MUSK: variants seen among roughly 807,000 people sequenced by gnomAD.
MUSK encodes muscle associated receptor tyrosine kinase, also known as muscle, skeletal receptor tyrosine-protein kinase.
MUSK carries 55 observed loss-of-function variants against 88.7 expected under a neutral mutation model. The observed-to-expected ratio is 0.62, with a 90% confidence interval of 0.50 to 0.78. MUSK has a LOEUF of 0.78. MUSK is among the 30% of genes least tolerant of loss of function. The probability of loss-of-function intolerance (pLI) is 0.00; values close to 1 mark genes in which losing one functional copy is unlikely to be tolerated. For missense variants in MUSK, 1,015 were observed against 1,074.3 expected (o/e 0.94, Z 0.77); for synonymous variants, 387 against 391.9 (o/e 0.99, Z 0.15).
intron 8 of MUSK, among the ~76,000 whole-genome samples, chr9:110,765,366 A>T (rs772694034): frequency 6.6e-6 from 1 of 152,296 alleles, no homozygotes; most frequent in African/African-American, 2.4e-5. Context: ...CCAGTTTGAG[A>T]TATTTCTGGT....
At chr9:110,727,069 G>A (rs895313925) in intron 5 of MUSK, among the ~76,000 whole-genome samples, 2 of 152,026 alleles carry the variant, frequency 1.3e-5, no homozygotes, top group African/African-American at 2.4e-5. Context: ...TTTGACAGAC[G>A]ACCTCTAAAT....
intron 2 of MUSK, among the ~76,000 whole-genome samples, chr9:110,684,454 A>G (rs1435541594): frequency 6.6e-6 from 1 of 150,390 alleles, no homozygotes; most frequent in Non-Finnish European, 1.5e-5. Flanking sequence ...TCTTTTGGCT[A>G]TTCTGGGCCT....
intron 3 of MUSK, among the ~76,000 whole-genome samples, chr9:110,694,045 A>G (rs1438684336): frequency 6.6e-6 from 1 of 152,000 alleles, no homozygotes; most frequent in Non-Finnish European, 1.5e-5. Flanking sequence ...TATTTTTGCT[A>G]TAACACAGGG....
chr9:110,761,800 T>A (rs1262935092), intron 7 of MUSK: 9 of 311,424 alleles, frequency 2.9e-5, no homozygotes, highest in Admixed American at 6.5e-5. Context: ...GGTCTCGATC[T>A]CCTGACCTCA....
rs886043719 is a variant in MUSK at position 110,784,933 on chromosome 9, G to GACC, written c.1503_1504insACC (p.Met501_Ser502insThr). 6.8e-6 allele frequency: 11 copies of GACC among 1,613,714 alleles called. No homozygotes were observed. The highest frequency in any genetic ancestry group is 1.7e-4 in the Middle Eastern group (1 of 6,058). ...CCATGACTGTAATAATCTCCATCAT[G>GACC]TCCAGCTTTGCAATATTTGTGCTTC... On this transcript the variant is annotated inframe_insertion, in exon 12 of 15. Transcript: ENST00000374448.
At chr9:110,712,588 T>G (rs1333704284) in intron 5 of MUSK, among the ~76,000 whole-genome samples, 1 of 152,176 alleles carries the variant, frequency 6.6e-6, no homozygotes, top group Non-Finnish European at 1.5e-5. Context: ...TTTATGTTAG[T>G]GCTTTTTAAC....
At chr9:110,774,912 CTGAA>C (rs2077643526) in intron 9 of MUSK, among the ~76,000 whole-genome samples, 1 of 152,024 alleles carries the variant, frequency 6.6e-6, no homozygotes, top group African/African-American at 2.4e-5. Flanking sequence ...TTCCTCCTCT[CTGAA>C]TCCTTCAGAT....
intron 1 of MUSK, among the ~76,000 whole-genome samples, chr9:110,680,383 CTTTTTTT>C (rs11461650): frequency 7.1e-6 from 1 of 141,616 alleles, no homozygotes; most frequent in African/African-American, 2.6e-5. Context: ...TTCTTTTTTT[CTTTTTTT>C]TTTTTTCTTC....
chr9:110,752,966 G>A (rs1260268925), intron 7 of MUSK, among the ~76,000 whole-genome samples: 1 of 152,078 alleles, frequency 6.6e-6, no homozygotes, highest in Non-Finnish European at 1.5e-5. Flanking sequence ...ACCCCATAAA[G>A]CCTCAAGTTG....
Position 110,776,617 on chromosome 9 carries a change from T to C in MUSK, c.1361-15T>C. 4 of 1,595,748 alleles carry C rather than the reference T, an allele frequency of 2.5e-6. No homozygotes were observed. The highest frequency in any genetic ancestry group is 1.7e-4 in the Middle Eastern group (1 of 6,034). On this transcript the variant is annotated splice_polypyrimidine_tract_variant and intron_variant, in intron 10 of 14. Coordinates refer to ENST00000374448, the MANE Select transcript of MUSK (RefSeq NM_005592.4). ...GATGCTCACTTAAAACAAATTTTTATCCTTTCCCCTTCAGATTATAACAAA... is the reference window on the plus strand; with the variant it reads ...GATGCTCACTTAAAACAAATTTTTACCCTTTCCCCTTCAGATTATAACAAA...
At chr9:110,735,196 T>C (rs1361046062) in intron 6 of MUSK, among the ~76,000 whole-genome samples, 1 of 152,012 alleles carries the variant, frequency 6.6e-6, no homozygotes, top group Non-Finnish European at 1.5e-5. Flanking sequence ...GATCCACCAA[T>C]CCACTACTGG....
chr9:110,697,975 A>G (rs931419140), intron 5 of MUSK, among the ~76,000 whole-genome samples: 6 of 152,152 alleles, frequency 3.9e-5, no homozygotes, highest in African/African-American at 1.4e-4. Context: ...TATGTTATCA[A>G]AATCGTTTTT....
chr9:110,749,456 A>G (rs2077220451), intron 7 of MUSK, among the ~76,000 whole-genome samples: 1 of 152,338 alleles, frequency 6.6e-6, no homozygotes, highest in Non-Finnish European at 1.5e-5. Context: ...CTAGACCACG[A>G]GAGAGACAGC....
chr9:110,669,064 T>A, intron 1 of MUSK, 81 bp downstream of exon 1: 3 of 1,248,204 alleles, frequency 2.4e-6, no homozygotes, highest in Non-Finnish European at 3.5e-6. Context: ...CAAGACTGAT[T>A]TATAGTATGG....
At chr9:110,672,382 G>T (rs1415840152) in intron 1 of MUSK, among the ~76,000 whole-genome samples, 1 of 152,124 alleles carries the variant, frequency 6.6e-6, no homozygotes, top group African/African-American at 2.4e-5. Flanking sequence ...GCTAGGAACT[G>T]CAGCTTTCTT....
At chr9:110,672,427 T>C (rs2075970501) in intron 1 of MUSK, among the ~76,000 whole-genome samples, 1 of 152,142 alleles carries the variant, frequency 6.6e-6, no homozygotes. Flanking sequence ...TACTGCACTA[T>C]ACCCAGCAGT....
intron 1 of MUSK, among the ~76,000 whole-genome samples, chr9:110,675,560 C>A (rs62571345): frequency 1.8e-5 from 2 of 112,374 alleles, no homozygotes; most frequent in African/African-American, 6.7e-5. Flanking sequence ...CAATAGTCTT[C>A]CCTTTTTTTT....
chr9:110,747,649 T>A lies in MUSK; in HGVS notation c.762T>A (p.Ser254=), dbSNP rs2077190189. ...TTCCTTTACTCTGTCAGGTTTCTTC[T>A]GGGTCCATTCAAGAGAGTGTGAAAG... ...TWIENGNAVS[S]GSIQESVKDR... Residue 254 remains serine, a synonymous_variant, in exon 7 of 15, where the codon TCT becomes TCA. Coordinates refer to ENST00000374448, the MANE Select transcript of MUSK (RefSeq NM_005592.4). 6.2e-7 allele frequency: 1 copy of A among 1,612,014 alleles called. No homozygotes were observed. The highest frequency in any genetic ancestry group is 1.7e-4 in the Middle Eastern group (1 of 6,056).
At chr9:110,765,695 C>G (rs752177894) in intron 8 of MUSK, among the ~76,000 whole-genome samples, 3 of 152,026 alleles carry the variant, frequency 2.0e-5, no homozygotes, top group Non-Finnish European at 4.4e-5. Flanking sequence ...TGCCTCAGCC[C>G]CTCGAGTAGC....
Sources: gnomAD v4.1 joint callset for allele counts (sites outside exome capture counted in the v4.1 genomes callset) on GRCh38, gnomAD v4.1.1 for gene constraint, MANE v1.5 for transcripts, NCBI Gene and HGNC (gene_info 2026-07-23, HGNC 2026-07-21) for gene names.